Variants in RBPJ observed in about 807,000 individuals in gnomAD.
RBPJ encodes recombining binding protein suppressor of hairless.
In RBPJ, 9 loss-of-function variants were observed where a neutral mutation model predicts 67.8. The ratio of observed to expected loss-of-function variants is 0.13; its 90% CI spans 0.08 to 0.23. RBPJ has a LOEUF of 0.23. Ranked by LOEUF, RBPJ falls within the 10% of genes least tolerant of loss-of-function variation. RBPJ has a pLI of 1.00. For missense variants in RBPJ, 305 were observed against 595.6 expected (o/e 0.51, Z 5.08); for synonymous variants, 198 against 203.3 (o/e 0.97, Z 0.22).
chr4:26,359,468 T>C (rs1235666864), intron 1 of RBPJ, among the ~76,000 whole-genome samples: 7 of 150,944 alleles, frequency 4.6e-5, no homozygotes, highest in Non-Finnish European at 1.0e-4. Flanking sequence ...GGAGCGGCTG[T>C]GTGTCCAGTA....
chr4:26,105,674 C>T, the RBPJ span, among the ~76,000 whole-genome samples: 7 of 151,848 alleles, frequency 4.6e-5, no homozygotes, highest in Admixed American at 6.6e-5. Context: ...CTGGAGAACA[C>T]GGAAAGATTG....
At chr4:26,154,211 T>C in the RBPJ span, among the ~76,000 whole-genome samples, 1 of 152,216 alleles carries the variant, frequency 6.6e-6, no homozygotes, top group Non-Finnish European at 1.5e-5. Flanking sequence ...TTTGGAATGA[T>C]AGAGACCTGA....
the RBPJ span, among the ~76,000 whole-genome samples, chr4:26,143,992 A>G: frequency 6.6e-6 from 1 of 152,244 alleles, no homozygotes; most frequent in African/African-American, 2.4e-5. Flanking sequence ...GTCAAAAGAC[A>G]TTATTGTAGA....
At chr4:26,362,453 A>C in intron 1 of RBPJ, 1 of 1,441,242 alleles carries the variant, frequency 6.9e-7, no homozygotes, top group Admixed American at 3.0e-5. Flanking sequence ...AAGTCATTGA[A>C]ATTATGAGAC....
chr4:26,332,584 G>A (rs1724371332), intron 1 of RBPJ, among the ~76,000 whole-genome samples: 3 of 152,136 alleles, frequency 2.0e-5, no homozygotes, highest in Non-Finnish European at 4.4e-5. Flanking sequence ...TTTCACATCT[G>A]TATAAAATAA....
At chr4:26,364,837 G>A (rs1728463337) in intron 1 of RBPJ, among the ~76,000 whole-genome samples, 1 of 151,598 alleles carries the variant, frequency 6.6e-6, no homozygotes, top group African/African-American at 2.4e-5. Flanking sequence ...ATGTTGGCCA[G>A]GCTGGTCTCG....
rs1419283989 is a variant in RBPJ at position 26,432,144 on chromosome 4, A to G, written c.*1137A>G. ...GCCTTGTTGGCAAGTGACAAAAAAT[A>G]TGGGAAGTATTTGCTACCAGTTGGT... is the stretch of plus-strand genomic sequence containing the variant. On this transcript the variant is annotated 3_prime_UTR_variant, in exon 11 of 11. Coordinates refer to ENST00000355476, the MANE Select transcript of RBPJ (RefSeq NM_015874.6). The G allele has an allele frequency of 6.6e-6, 1 of 152,232 alleles. No individual in the cohort carries two copies. The highest frequency in any genetic ancestry group is 1.9e-4 in the East Asian group (1 of 5,200). The allele number at this position is 152,232 out of a possible 1,614,324, so 9.4% of individuals were successfully genotyped here.
chr4:26,324,850 A>C (rs940481899), intron 1 of RBPJ, among the ~76,000 whole-genome samples: 1 of 152,200 alleles, frequency 6.6e-6, no homozygotes, highest in Non-Finnish European at 1.5e-5. Flanking sequence ...ATATTTAACA[A>C]ATGGTAGTAC....
At chr4:26,423,906 A>G (rs1277366496) in intron 5 of RBPJ, among the ~76,000 whole-genome samples, 2 of 152,102 alleles carry the variant, frequency 1.3e-5, no homozygotes, top group Admixed American at 6.5e-5. Context: ...AAATATATAC[A>G]TTTGCCTAAT....
At chr4:26,384,695 T>C (rs1730633791) in intron 1 of RBPJ, 1 of 152,160 alleles carries the variant, frequency 6.6e-6, no homozygotes, top group Non-Finnish European at 1.5e-5. Flanking sequence ...TATTTTGGCT[T>C]AACTACTTAT....
At chr4:26,195,584 GTT>G (rs949273744) in intron 1 of RBPJ, among the ~76,000 whole-genome samples, 1 of 150,976 alleles carries the variant, frequency 6.6e-6, no homozygotes, top group African/African-American at 2.4e-5. Flanking sequence ...CTCTGAGTAT[GTT>G]TTTTTTTGTT....
chr4:26,385,324 T>C (rs1196613259), intron 1 of RBPJ, among the ~76,000 whole-genome samples: 1 of 151,938 alleles, frequency 6.6e-6, no homozygotes, highest in Non-Finnish European at 1.5e-5. Flanking sequence ...CCCAGCCTTA[T>C]GTGTTTTCTG....
chr4:26,425,304 G>A (rs542408871), intron 7 of RBPJ, among the ~76,000 whole-genome samples: 53 of 152,224 alleles, frequency 3.5e-4, no homozygotes, highest in Non-Finnish European at 5.3e-4. Context: ...ATTGAAACTC[G>A]GCCACGCATG....
intron 4 of RBPJ, among the ~76,000 whole-genome samples, chr4:26,418,080 A>G (rs1198838183): frequency 6.6e-6 from 1 of 152,214 alleles, no homozygotes; most frequent in African/African-American, 2.4e-5. Context: ...TTATTTTTAA[A>G]CATCATATAC....
At chr4:26,199,322 T>C (rs1717898513) in intron 1 of RBPJ, among the ~76,000 whole-genome samples, 1 of 152,178 alleles carries the variant, frequency 6.6e-6, no homozygotes, top group Non-Finnish European at 1.5e-5. Flanking sequence ...TGTGCGCCTG[T>C]AGTCCCAGCT....
At chr4:26,187,238 A>G (rs1255282116) in intron 1 of RBPJ, among the ~76,000 whole-genome samples, 1 of 152,192 alleles carries the variant, frequency 6.6e-6, no homozygotes, top group Non-Finnish European at 1.5e-5. Flanking sequence ...ACAAAAACGA[A>G]AACAAAAAAC....
At chr4:26,199,052 A>T (rs1717886423) in intron 1 of RBPJ, among the ~76,000 whole-genome samples, 1 of 150,374 alleles carries the variant, frequency 6.7e-6, no homozygotes, top group Non-Finnish European at 1.5e-5. Flanking sequence ...TCCCCAACTA[A>T]AACTCTGCAC....
In RBPJ at chr4:26,424,023, C is replaced by T. The variant is rs1192990938; in HGVS notation, c.497-319C>T. Among the ~76,000 whole-genome samples the T allele has an allele frequency of 6.6e-6, 1 of 152,172 alleles. No homozygotes were observed. Among genetic ancestry groups the T allele is most frequent in the Non-Finnish European group, 1.5e-5 (1 of 68,028 alleles). On this transcript the variant is annotated intron_variant, in intron 5 of 10. Transcript: ENST00000355476. The surrounding 1 kb of genome is among the most constrained non-coding windows in gnomAD (Gnocchi z 5.3). ...TTAGATACACATCCTTTCAATAGGT[C>T]ATCATTTAAATTTCTACTGTCTAAC...
chr4:26,124,414 T>TCA, the RBPJ span, among the ~76,000 whole-genome samples: 1 of 65,032 alleles, frequency 1.5e-5, no homozygotes, highest in Non-Finnish European at 2.7e-5. Flanking sequence ...TAGTATTCCA[T>TCA]CATATATATA....
Sources: gnomAD v4.1 joint callset for allele counts (sites outside exome capture counted in the v4.1 genomes callset) on GRCh38, gnomAD v4.1.1 for gene constraint, Gnocchi (gnomAD v3.1) non-coding constraint, MANE v1.5 for transcripts, NCBI Gene and HGNC (gene_info 2026-07-23, HGNC 2026-07-21) for gene names.